The following TENM2 variants were observed in gnomAD, a reference collection of about 807,000 sequenced individuals.
The protein encoded by TENM2 is teneurin-2.
In TENM2, 52 loss-of-function variants were observed where a neutral mutation model predicts 245.2. That is an observed-to-expected ratio of 0.21 (90% CI 0.17 to 0.27). TENM2 has a LOEUF of 0.27. Ranked by LOEUF, TENM2 falls within the 10% of genes least tolerant of loss-of-function variation. The pLI, the probability that TENM2 is intolerant of heterozygous loss-of-function variation, is 1.00. For synonymous variants in TENM2, 1,363 were observed against 1,438.9 expected (o/e 0.95, Z 1.19); for missense variants, 3,046 against 3,666.8 (o/e 0.83, Z 4.37).
exon 7 of TENM2, chr5:168,062,220 C>T: frequency 6.2e-7 from 1 of 1,613,840 alleles, no homozygotes; most frequent in Non-Finnish European, 8.5e-7. Flanking sequence ...AGGACGCTCT[C>T]TTTGGTGTTT....
At chr5:167,974,762 C>T (rs1782309611) in intron 4 of TENM2, among the ~76,000 whole-genome samples, 1 of 152,148 alleles carries the variant, frequency 6.6e-6, no homozygotes, top group Non-Finnish European at 1.5e-5. Context: ...CCTTATTAAC[C>T]ATCGCCCCAT....
chr5:167,038,544 G>C, the TENM2 span, among the ~76,000 whole-genome samples: 2 of 152,140 alleles, frequency 1.3e-5, no homozygotes, highest in Admixed American at 6.5e-5. Flanking sequence ...TATTGAACAA[G>C]AGCATTTTTG....
the TENM2 span, among the ~76,000 whole-genome samples, chr5:166,992,481 A>G: frequency 5.9e-5 from 9 of 152,248 alleles, no homozygotes; most frequent in East Asian, 1.5e-3. Context: ...AGTTTAAATC[A>G]TTTTTACTTT....
chr5:168,057,507 G>C (rs758800376), intron 6 of TENM2, among the ~76,000 whole-genome samples: 3 of 152,174 alleles, frequency 2.0e-5, no homozygotes, highest in Non-Finnish European at 2.9e-5. Flanking sequence ...AAACTAGCTA[G>C]CTGCTTAGTA....
At chr5:167,703,454 C>T (rs895993985) in intron 2 of TENM2, among the ~76,000 whole-genome samples, 9 of 148,756 alleles carry the variant, frequency 6.1e-5, no homozygotes, top group Non-Finnish European at 1.3e-4. Flanking sequence ...ACTGCTTGAA[C>T]CCAGGAGGCG....
intron 3 of TENM2, among the ~76,000 whole-genome samples, chr5:167,878,198 G>A (rs185287091): frequency 6.6e-6 from 1 of 152,256 alleles, no homozygotes; most frequent in Admixed American, 6.5e-5. Context: ...ATTTATGTCA[G>A]CTTTATGCCT....
intron 3 of TENM2, among the ~76,000 whole-genome samples, chr5:167,943,039 T>C (rs1779313730): frequency 6.6e-6 from 1 of 152,220 alleles, no homozygotes; most frequent in African/African-American, 2.4e-5. Context: ...CAGCTGTTAC[T>C]TGACGTGACA....
chr5:167,259,277 C>T, the TENM2 span, among the ~76,000 whole-genome samples: 1 of 152,140 alleles, frequency 6.6e-6, no homozygotes, highest in East Asian at 1.9e-4. Context: ...GATCTGGAGA[C>T]ACATATAGTT....
intron 2 of TENM2, among the ~76,000 whole-genome samples, chr5:167,788,494 A>G (rs1189013530): frequency 6.6e-6 from 1 of 152,228 alleles, no homozygotes; most frequent in Non-Finnish European, 1.5e-5. Context: ...TGAAAGTGTC[A>G]TTAGTAATTG....
At chr5:167,626,780 A>G (rs977843422) in intron 2 of TENM2, among the ~76,000 whole-genome samples, 3 of 152,180 alleles carry the variant, frequency 2.0e-5, no homozygotes, top group Non-Finnish European at 2.9e-5. Context: ...TTGCTTTCAG[A>G]AAAGGCTGGG....
intron 3 of TENM2, among the ~76,000 whole-genome samples, chr5:167,888,459 A>C (rs924542913): frequency 2.6e-5 from 4 of 152,178 alleles, no homozygotes; most frequent in African/African-American, 9.7e-5. Context: ...GGGTATTTGC[A>C]ATATCCAAAG....
chr5:167,496,007 A>C (rs1196107987), intron 2 of TENM2, among the ~76,000 whole-genome samples: 1 of 152,036 alleles, frequency 6.6e-6, no homozygotes, highest in Non-Finnish European at 1.5e-5. Context: ...AACCAGAATG[A>C]AGAAAATTCC....
At chr5:167,889,113 A>G (rs1774529024) in intron 3 of TENM2, among the ~76,000 whole-genome samples, 1 of 152,170 alleles carries the variant, frequency 6.6e-6, no homozygotes, top group Admixed American at 6.6e-5. Context: ...AAAACCACAC[A>G]AAAACAAAAA....
At chr5:167,754,944 C>G in intron 2 of TENM2, 2 of 1,440,916 alleles carry the variant, frequency 1.4e-6, no homozygotes, top group Non-Finnish European at 1.9e-6. Flanking sequence ...TTATGCTTTT[C>G]CTTCCCAGCT....
the TENM2 span, among the ~76,000 whole-genome samples, chr5:167,153,542 G>C: frequency 2.0e-5 from 3 of 151,940 alleles, no homozygotes; most frequent in Admixed American, 2.0e-4. Context: ...GAGAGGGCAG[G>C]CACATTCAGT....
intron 27 of TENM2, among the ~76,000 whole-genome samples, chr5:168,254,191 G>C (rs1767424528): frequency 6.6e-6 from 1 of 152,228 alleles, no homozygotes; most frequent in Non-Finnish European, 1.5e-5. Context: ...GTGAGAAGAG[G>C]AGAGTCATGA....
chr5:167,023,055 G>A, the TENM2 span, among the ~76,000 whole-genome samples: 6 of 152,066 alleles, frequency 3.9e-5, no homozygotes, highest in South Asian at 2.1e-4. Context: ...ATGGCCTCTG[G>A]GACTTATTAC....
chr5:167,625,155 A>G (rs1164310958), intron 2 of TENM2, among the ~76,000 whole-genome samples: 2 of 152,188 alleles, frequency 1.3e-5, no homozygotes, highest in Admixed American at 1.3e-4. Context: ...ATCATCAGAT[A>G]TATTCTCATC....
At chr5:167,682,115 TC>T (rs1756762780) in intron 2 of TENM2, among the ~76,000 whole-genome samples, 1 of 95,642 alleles carries the variant, frequency 1.0e-5, no homozygotes. Context: ...CCTCCCTCCC[TC>T]CCTCCCTCCC....
Sources: gnomAD v4.1 joint callset for allele counts (sites outside exome capture counted in the v4.1 genomes callset) on GRCh38, gnomAD v4.1.1 for gene constraint, MANE v1.5 for transcripts, NCBI Gene and HGNC (gene_info 2026-07-23, HGNC 2026-07-21) for gene names.